The following DCTN5 variants were observed in gnomAD, a reference collection of about 807,000 sequenced individuals.
The protein encoded by DCTN5 is dynactin 4.
A neutral mutation model predicts 23.5 loss-of-function variants in DCTN5; 14 were observed. That is an observed-to-expected ratio of 0.60 (90% CI 0.39 to 0.93). The LOEUF (loss-of-function observed/expected upper bound fraction) is 0.93. Among genes scored for constraint, DCTN5 ranks in the 40% least tolerant of loss-of-function variants. DCTN5 has a pLI of 0.00. For synonymous variants in DCTN5, 67 were observed against 79.6 expected (o/e 0.84, Z 0.84); for missense variants, 156 against 225.9 (o/e 0.69, Z 1.98).
chr16:23,663,229 A>G (rs967891931), intron 4 of DCTN5, among the ~76,000 whole-genome samples: 2 of 152,232 alleles, frequency 1.3e-5, no homozygotes, highest in Admixed American at 6.5e-5. Context: ...TTACTGTACT[A>G]TGAGTTTTAC....
intron 4 of DCTN5, among the ~76,000 whole-genome samples, chr16:23,664,668 A>G (rs1310384367): frequency 6.6e-6 from 1 of 152,214 alleles, no homozygotes; most frequent in Non-Finnish European, 1.5e-5. Context: ...CTCAGACCTT[A>G]TTTCTTGCTC....
At chr16:23,651,016 A>G in intron 2 of DCTN5, 3 of 1,410,746 alleles carry the variant, frequency 2.1e-6, no homozygotes, top group Non-Finnish European at 1.8e-6. Context: ...TTAAAATGCA[A>G]GATGTTCCAC....
intron 2 of DCTN5, among the ~76,000 whole-genome samples, chr16:23,651,458 A>G (rs1365333702): frequency 6.6e-6 from 1 of 152,242 alleles, no homozygotes; most frequent in African/African-American, 2.4e-5. Context: ...GTTAGTGTAT[A>G]GTTTAGGCTG....
chr16:23,664,333 TAAG>T (rs758410741), intron 4 of DCTN5, among the ~76,000 whole-genome samples: 4 of 152,224 alleles, frequency 2.6e-5, no homozygotes, highest in Middle Eastern at 3.2e-3. Flanking sequence ...CATGCTTTCA[TAAG>T]AAGTTCATTT....
At chr16:23,658,826 A>G (rs1216538727) in intron 3 of DCTN5, among the ~76,000 whole-genome samples, 1 of 152,200 alleles carries the variant, frequency 6.6e-6, no homozygotes, top group Admixed American at 6.5e-5. Context: ...ATCCGCTTAC[A>G]CACTGGCAAA....
rs975518398 is a variant in DCTN5, at chr16:23,676,684, T to C, written c.*9540T>C. The C allele has an allele frequency of 2.0e-5, 3 of 152,202 alleles. No homozygotes were observed. The highest frequency in any genetic ancestry group is 2.1e-4 in the South Asian group (1 of 4,826). 9.4% of individuals were successfully genotyped at this position (152,202 alleles called of 1,614,324 possible). ...TACCAGGAAGAACTGAGGTCCATAT[T>C]TGAGGTTGGTCTCACCCTTTTGCAT... is the stretch of plus-strand genomic sequence containing the variant. On this transcript the variant is annotated 3_prime_UTR_variant, in exon 6 of 6. Coordinates refer to ENST00000300087, the MANE Select transcript of DCTN5 (RefSeq NM_032486.4).
intron 2 of DCTN5, chr16:23,657,521 A>G (rs1461640002): frequency 1.9e-5 from 8 of 413,930 alleles, no homozygotes; most frequent in Non-Finnish European, 3.8e-5. Flanking sequence ...GCTCACTGCA[A>G]CCTCCGCCTC....
At chr16:23,645,137 A>ATATATTTTTTTTTT (rs1555462995) in intron 2 of DCTN5, among the ~76,000 whole-genome samples, 1 of 30,806 alleles carries the variant, frequency 3.2e-5, no homozygotes. Context: ...ATATATATAT[A>ATATATTTTTTTTTT]TTTTTTTTTT....
rs1338981795 is a variant in DCTN5 at position 23,673,977 on chromosome 16, A to G, written c.*6833A>G. 6.6e-6 allele frequency: 1 copy of G among 152,214 alleles called. No homozygotes were observed. The highest frequency in any genetic ancestry group is 2.4e-5 in the African/African-American group (1 of 41,460). The allele number at this position is 152,214 out of a possible 1,614,324, so 9.4% of individuals were successfully genotyped here. ...GGTCAATTGGACTCTAAGACCAACA[A>G]GATAAAAAGGCAGCCTTGCATGTCA... is the stretch of plus-strand genomic sequence containing the variant. On this transcript the variant is annotated 3_prime_UTR_variant, in exon 6 of 6. Transcript: ENST00000300087.
intron 4 of DCTN5, among the ~76,000 whole-genome samples, chr16:23,662,267 C>T (rs756243043): frequency 1.3e-5 from 2 of 152,002 alleles, no homozygotes; most frequent in Admixed American, 6.6e-5. Flanking sequence ...GATTCACATG[C>T]GTAAGGAAGG....
intron 2 of DCTN5, among the ~76,000 whole-genome samples, chr16:23,656,304 A>G (rs1194183137): frequency 1.3e-5 from 2 of 152,356 alleles, no homozygotes; most frequent in East Asian, 3.9e-4. Flanking sequence ...CCTTAATACC[A>G]TCTAACGCTC....
intron 3 of DCTN5, 107 bp downstream of exon 3, chr16:23,658,732 G>A: frequency 1.2e-6 from 1 of 833,676 alleles, no homozygotes; most frequent in Non-Finnish European, 2.0e-6. Context: ...CCTGTTTGAA[G>A]CACTGAGTAA....
chr16:23,660,459 A>T lies in DCTN5; in HGVS notation c.237-711A>T, dbSNP rs144508693. Among the ~76,000 whole-genome samples, 947 of 152,326 alleles carry T rather than the reference A, an allele frequency of 6.2e-3. 9 individuals carry two copies. The highest frequency in any genetic ancestry group is 0.021 in the African/African-American group (890 of 41,568). ...CATTTGAGGAACCCTAGAGAACGGG[A>T]TGGGAATGATGTCAGATATCTGGAG... On this transcript the variant is annotated intron_variant, in intron 3 of 5. Transcript: ENST00000300087.
rs548842333 is a variant in DCTN5, at chr16:23,649,458, A to G, written c.117+6435A>G. ...TGTCTCTGCTTTTGAAGTCTTACTC[A>G]TCTTTTCCAAGACCAGTGTCTTTAA... On this transcript the variant is annotated intron_variant, in intron 2 of 5. Transcript: ENST00000300087. 1.9e-3 allele frequency among the ~76,000 whole-genome samples: 289 copies of G among 152,204 alleles called. 3 individuals carry two copies. Among genetic ancestry groups the G allele is most frequent in the African/African-American group, 6.8e-3 (281 of 41,508 alleles).
At chr16:23,645,849 T>C (rs1037637029) in intron 2 of DCTN5, among the ~76,000 whole-genome samples, 1 of 152,198 alleles carries the variant, frequency 6.6e-6, no homozygotes, top group Non-Finnish European at 1.5e-5. Context: ...AACACTGATG[T>C]GCAAGTATCT....
chr16:23,660,408 T>C (rs1967788348), intron 3 of DCTN5, among the ~76,000 whole-genome samples: 1 of 152,166 alleles, frequency 6.6e-6, no homozygotes, highest in South Asian at 2.1e-4. Flanking sequence ...TACATATAAA[T>C]GTGATCACAG....
intron 5 of DCTN5, 155 bp from the exon 6 acceptor site, chr16:23,666,892 G>C: frequency 8.0e-7 from 1 of 1,255,980 alleles, no homozygotes; most frequent in Non-Finnish European, 1.1e-6. Flanking sequence ...AAGTTTAGCT[G>C]TTCTTAGCAA....
intron 4 of DCTN5, among the ~76,000 whole-genome samples, chr16:23,661,532 A>G (rs1214824629): frequency 6.6e-6 from 1 of 152,140 alleles, no homozygotes; most frequent in Non-Finnish European, 1.5e-5. Flanking sequence ...CAGTCTGGCC[A>G]ACATGGCAAA....
At chr16:23,652,324 C>T (rs905493522) in intron 2 of DCTN5, among the ~76,000 whole-genome samples, 6 of 152,248 alleles carry the variant, frequency 3.9e-5, no homozygotes, top group Non-Finnish European at 5.9e-5. Context: ...TTGATCATCC[C>T]GTAGCTATCT....
Sources: allele counts gnomAD v4.1 joint callset (sites outside exome capture counted in the v4.1 genomes callset), GRCh38; gene constraint gnomAD v4.1.1; transcripts MANE v1.5; gene names NCBI Gene and HGNC (gene_info 2026-07-23, HGNC 2026-07-21).